YTHDF2: variants seen among roughly 807,000 people sequenced by gnomAD.
The protein encoded by YTHDF2 is YTH N6-methyladenosine RNA binding protein F2.
A neutral mutation model predicts 50.4 loss-of-function variants in YTHDF2; 2 were observed. The observed-to-expected ratio is 0.04, with a 90% confidence interval of 0.02 to 0.12. The LOEUF (loss-of-function observed/expected upper bound fraction) is 0.12. YTHDF2 is among the 10% of genes least tolerant of loss of function. YTHDF2 has a pLI of 1.00. For synonymous variants in YTHDF2, 217 were observed against 255.6 expected (o/e 0.85, Z 1.44); for missense variants, 483 against 722.6 (o/e 0.67, Z 3.80).
chr1:28,745,505 G>A (rs771327911), intron 4 of YTHDF2, among the ~76,000 whole-genome samples: 1 of 151,472 alleles, frequency 6.6e-6, no homozygotes, highest in Non-Finnish European at 1.5e-5. Context: ...AGGCTGAGGT[G>A]GGCAGATCAC....
chr1:28,767,957 C>G (rs2015265656), intron 4 of YTHDF2, among the ~76,000 whole-genome samples: 1 of 150,796 alleles, frequency 6.6e-6, no homozygotes, highest in South Asian at 2.1e-4. Flanking sequence ...AATCCCAGCA[C>G]TTTGGGAGGC....
intron 3 of YTHDF2, among the ~76,000 whole-genome samples, chr1:28,741,486 A>G (rs967096200): frequency 3.9e-5 from 6 of 151,946 alleles, no homozygotes; most frequent in Non-Finnish European, 8.8e-5. Flanking sequence ...TTTAGTAGAG[A>G]CTGGGTTTTA....
intron 4 of YTHDF2, among the ~76,000 whole-genome samples, chr1:28,762,430 TC>T (rs2088150430): frequency 6.6e-6 from 1 of 152,124 alleles, no homozygotes; most frequent in Non-Finnish European, 1.5e-5. Context: ...AAAGAATGAC[TC>T]CCGTCTAAGC....
chr1:28,768,836 A>AG (rs1557553673), intron 4 of YTHDF2, 93 bp from the exon 5 acceptor site: 71 of 939,940 alleles, frequency 7.6e-5, no homozygotes, highest in South Asian at 4.1e-4. Flanking sequence ...CTAAATAATT[A>AG]AATTTCTGTT....
chr1:28,761,677 C>T (rs548052869), intron 4 of YTHDF2, among the ~76,000 whole-genome samples: 29 of 152,162 alleles, frequency 1.9e-4, no homozygotes, highest in African/African-American at 6.0e-4. Context: ...GTGGAGGTTG[C>T]GGTGAGCCGA....
At chr1:28,767,075 C>G (rs1049804147) in intron 4 of YTHDF2, among the ~76,000 whole-genome samples, 9 of 150,756 alleles carry the variant, frequency 6.0e-5, no homozygotes, top group Admixed American at 2.6e-4. Context: ...CTCCTGGCCT[C>G]AAGCAGTCTT....
At chr1:28,756,550 A>G (rs2088038526) in intron 4 of YTHDF2, among the ~76,000 whole-genome samples, 1 of 152,158 alleles carries the variant, frequency 6.6e-6, no homozygotes, top group Non-Finnish European at 1.5e-5. Flanking sequence ...AGATACCTGA[A>G]GCATCTCTCC....
At chr1:28,738,104 C>A (rs1274236119) in intron 2 of YTHDF2, among the ~76,000 whole-genome samples, 155 bp from the exon 3 acceptor site, 1 of 152,168 alleles carries the variant, frequency 6.6e-6, no homozygotes, top group South Asian at 2.1e-4. Flanking sequence ...TGGCGACTGT[C>A]GCTTCAGCAT....
chr1:28,739,468 TTTAA>T (rs1456459084), intron 3 of YTHDF2, among the ~76,000 whole-genome samples: 2 of 151,524 alleles, frequency 1.3e-5, no homozygotes, highest in African/African-American at 4.9e-5. Context: ...GGCTAATTTT[TTTAA>T]TTTTTTTGTA....
At chr1:28,760,265 A>G (rs1384154458) in intron 4 of YTHDF2, among the ~76,000 whole-genome samples, 4 of 145,748 alleles carry the variant, frequency 2.7e-5, no homozygotes, top group Non-Finnish European at 6.0e-5. Flanking sequence ...CCAATAACAT[A>G]GTAGGTTGTG....
At chr1:28,765,941 A>G (rs2124211882) in intron 4 of YTHDF2, among the ~76,000 whole-genome samples, 1 of 152,344 alleles carries the variant, frequency 6.6e-6, no homozygotes, top group Non-Finnish European at 1.5e-5. Flanking sequence ...ACCACAGTGC[A>G]TTTATCAAAA....
At chr1:28,738,372 G>A (rs1203277108) in intron 3 of YTHDF2, 34 bp downstream of exon 3, 1 of 1,524,654 alleles carries the variant, frequency 6.6e-7, no homozygotes, top group Non-Finnish European at 9.1e-7. Flanking sequence ...TCTAATCGAA[G>A]GGTGTGGTAT....
chr1:28,749,986 G>GTTTTT (rs371730633), intron 4 of YTHDF2, among the ~76,000 whole-genome samples: 1,016 of 78,104 alleles, frequency 0.013, 20 homozygotes, highest in Middle Eastern at 0.022. Context: ...AAAAAAGGTT[G>GTTTTT]TTTTTTTTTT....
chr1:28,738,213 A>G, intron 2 of YTHDF2, 46 bp from the exon 3 acceptor site: 1 of 1,470,358 alleles, frequency 6.8e-7, no homozygotes, highest in Non-Finnish European at 9.5e-7. Flanking sequence ...TTTGAAAGGA[A>G]GATTGTAGGA....
chr1:28,768,742 G>A (rs1156647933), intron 4 of YTHDF2, among the ~76,000 whole-genome samples, 187 bp from the exon 5 acceptor site: 3 of 152,174 alleles, frequency 2.0e-5, no homozygotes, highest in African/African-American at 7.2e-5. Context: ...TTGCATTAAG[G>A]TGTTTAAGTG....
chr1:28,742,352 G>A (rs776350974), intron 3 of YTHDF2, 51 bp from the exon 4 acceptor site: 4 of 1,520,670 alleles, frequency 2.6e-6, no homozygotes, highest in Non-Finnish European at 3.5e-6. Context: ...GGAGGAAATA[G>A]CCTGATGTTA....
chr1:28,739,957 T>A (rs1420282761), intron 3 of YTHDF2, among the ~76,000 whole-genome samples: 1 of 152,146 alleles, frequency 6.6e-6, no homozygotes, highest in Non-Finnish European at 1.5e-5. Flanking sequence ...GTCAAGAAAT[T>A]TATAAGTTCT....
intron 1 of YTHDF2, 138 bp from the exon 2 acceptor site, chr1:28,737,520 C>T (rs2087712358): frequency 8.3e-7 from 1 of 1,205,286 alleles, no homozygotes; most frequent in African/African-American, 1.5e-5. Context: ...TTTTCAGCCT[C>T]TTCCTCACTA....
intron 4 of YTHDF2, among the ~76,000 whole-genome samples, chr1:28,744,900 C>G (rs1490081717): frequency 6.6e-6 from 1 of 152,106 alleles, no homozygotes; most frequent in Non-Finnish European, 1.5e-5. Context: ...AACTCCTGAG[C>G]TCAAGTGATC....
Sources: gnomAD v4.1 joint callset for allele counts (sites outside exome capture counted in the v4.1 genomes callset) on GRCh38, gnomAD v4.1.1 for gene constraint, MANE v1.5 for transcripts, NCBI Gene and HGNC (gene_info 2026-07-23, HGNC 2026-07-21) for gene names.